Variants in C17orf107 observed in about 807,000 individuals in gnomAD.
C17orf107 encodes uncharacterized protein C17orf107.
A neutral mutation model predicts 8.9 loss-of-function variants in C17orf107; 9 were observed. The ratio of observed to expected loss-of-function variants is 1.02; its 90% CI spans 0.61 to 1.77. The LOEUF is 1.77. C17orf107 is among the 40% of genes most tolerant of loss of function. C17orf107 has a pLI of 0.00. For missense variants in C17orf107, 281 were observed against 249.0 expected (o/e 1.13, Z -0.86); for synonymous variants, 139 against 120.3 (o/e 1.16, Z -1.02).
intron 1 of C17orf107, 53 bp from the exon 2 acceptor site, chr17:4,899,883 G>C (rs1010847156): frequency 6.5e-7 from 1 of 1,549,272 alleles, no homozygotes; most frequent in Non-Finnish European, 8.7e-7. Flanking sequence ...TAGGTCTCCT[G>C]TTCGCCCCTG....
chr17:4,900,914 G>A lies in C17orf107; in HGVS notation c.*381G>A, dbSNP rs1314331863. ...GTGCATTTCTGGCCGCCGGCTGGAG[G>A]GAGAGCCAGTGAGAGCGGGCCCCGC... On this transcript the variant is annotated 3_prime_UTR_variant, in exon 3 of 3. Transcript: ENST00000381365. 1 of 1,614,060 alleles carries A rather than the reference G, an allele frequency of 6.2e-7. No homozygotes were observed. Among genetic ancestry groups the A allele is most frequent in the East Asian group, 2.2e-5 (1 of 44,892 alleles).
downstream of C17orf107, among the ~76,000 whole-genome samples, chr17:4,905,218 T>C (rs1172131753): frequency 6.6e-6 from 1 of 152,146 alleles, no homozygotes; most frequent in East Asian, 1.9e-4. Flanking sequence ...ACAGGTGCTA[T>C]AGAATCTGTA....
chr17:4,902,709 T>C lies in C17orf107; in HGVS notation c.*2176T>C. The C allele has an allele frequency of 2.5e-6, 4 of 1,614,008 alleles. No individual in the cohort carries two copies. The highest frequency in any genetic ancestry group is 2.2e-5 in the South Asian group (2 of 91,082). On this transcript the variant is annotated 3_prime_UTR_variant, in exon 3 of 3. Transcript: ENST00000381365. This position sits in a 1 kb window ranked among gnomAD's most constrained non-coding sequence, Gnocchi z 4.0. ...CACTGGCCGGCTTCCTGGGTCATAG[T>C]TGTTGAAGAGATGGTGATAAAGACG...
rs1436213063 is a variant in C17orf107, at chr17:4,900,075, A to G, written c.206A>G (p.Lys69Arg). Reference protein sequence around the residue: ...PKMQGMLPAPKPTLGLVLREA... With the variant: ...PKMQGMLPAPRPTLGLVLREA... ...ATGCAGGGGATGCTGCCTGCCCCGA[A>G]GCCCACCCTGGGGCTGGTGTTGAGA... is the stretch of plus-strand genomic sequence containing the variant. Residue 69 changes from lysine (K) to arginine (R), a missense_variant, in exon 2 of 3, where the codon AAG becomes AGG. Physicochemically the swap from Lys to Arg is conservative, Grantham distance 26. Coordinates refer to ENST00000381365, the MANE Select transcript of C17orf107 (RefSeq NM_001145536.2). 3 of 1,550,956 alleles carry G rather than the reference A, an allele frequency of 1.9e-6. No homozygotes were observed. Among genetic ancestry groups the G allele is most frequent in the African/African-American group, 2.7e-5 (2 of 73,058 alleles).
chr17:4,902,601 T>G lies in C17orf107; in HGVS notation c.*2068T>G. On this transcript the variant is annotated 3_prime_UTR_variant, in exon 3 of 3. Coordinates refer to ENST00000381365, the MANE Select transcript of C17orf107 (RefSeq NM_001145536.2). This position sits in a 1 kb window ranked among gnomAD's most constrained non-coding sequence, Gnocchi z 4.0. ...CAGAAGTGGGATTTTTGGCTTAAGA[T>G]GAGGGTGGGGGTAGCTTACCAGTGA... 6.2e-7 allele frequency: 1 copy of G among 1,614,034 alleles called. No individual in the cohort carries two copies. Among genetic ancestry groups the G allele is most frequent in the Non-Finnish European group, 8.5e-7 (1 of 1,180,004 alleles).
chr17:4,901,831 G>T lies in C17orf107; in HGVS notation c.*1298G>T. 1 of 1,538,454 alleles carries T rather than the reference G, an allele frequency of 6.5e-7. No individual in the cohort carries two copies. Among genetic ancestry groups the T allele is most frequent in the Admixed American group, 1.7e-5 (1 of 58,306 alleles). ...GTGCCTACGCCTGGCTCCGCCTCCA[G>T]CGCGAAGCCCCGCCCCGAGGGCGGT... On this transcript the variant is annotated 3_prime_UTR_variant, in exon 3 of 3. Transcript: ENST00000381365.
rs1443109829 is a variant in C17orf107 at position 4,900,119 on chromosome 17, G to T, written c.250G>T (p.Val84Leu). The T allele has an allele frequency of 1.3e-6, 2 of 1,550,686 alleles. No individual in the cohort carries two copies. Among genetic ancestry groups the T allele is most frequent in the Admixed American group, 2.0e-5 (1 of 50,998 alleles). The change falls in exon 2 of 3, where the codon GTG becomes TTG. Residue 84 changes from valine to leucine, a missense_variant. Physicochemically the swap from Val to Leu is conservative, Grantham distance 32 (BLOSUM62 1). Transcript: ENST00000381365. The stretch of plus-strand genomic sequence containing the variant: ...GTTGAGAGAAGCCACAGCCAGCCTC[G>T]TGAGCTTCGGCACCACCTTGTTAGA... ...LVLREATASL[V>L]SFGTTLLEIS...
chr17:4,899,828 G>T lies in C17orf107; in HGVS notation c.66G>T (p.Glu22Asp). The change falls in exon 1 of 3, where the codon GAG (glutamate) becomes GAT (aspartate). Residue 22 changes from glutamate (E) to aspartate (D), a missense_variant and splice_region_variant. Physicochemically the swap from Glu to Asp is conservative, Grantham distance 45. Transcript: ENST00000381365. ...MWIYHFHSST[E>D]VALQPPLLSS... ...TCTACCACTTCCACAGCTCCACCGA[G>T]GTGAGGCTACGCCCGCCAAGGGCTG... 34 of 1,551,204 alleles carry T rather than the reference G, an allele frequency of 2.2e-5. No individual in the cohort carries two copies. The highest frequency in any genetic ancestry group is 3.0e-5 in the Non-Finnish European group (34 of 1,146,966).
In C17orf107 at chr17:4,899,570, G is replaced by T; in HGVS notation, c.-193G>T. Reference sequence around the variant, plus strand: ...CAATGAGCGTGGCGACCACCATGACGAAAATAAGGAACCTGAGGAGCCCGG... The same window carrying T: ...CAATGAGCGTGGCGACCACCATGACTAAAATAAGGAACCTGAGGAGCCCGG... On this transcript the variant is annotated 5_prime_UTR_variant, in exon 1 of 3. Coordinates refer to ENST00000381365, the MANE Select transcript of C17orf107 (RefSeq NM_001145536.2). 1 of 1,587,246 alleles carries T rather than the reference G, an allele frequency of 6.3e-7. No individual in the cohort carries two copies. The highest frequency in any genetic ancestry group is 8.6e-7 in the Non-Finnish European group (1 of 1,167,544).
rs1969892971 is a variant in C17orf107 at position 4,899,681 on chromosome 17, G to A, written c.-82G>A. The A allele has an allele frequency of 3.5e-6, 5 of 1,446,414 alleles. No individual in the cohort carries two copies. In the East Asian group the frequency reaches 1.2e-4, roughly 36 times the overall value. 89.6% of individuals were successfully genotyped at this position (1,446,414 alleles called of 1,614,324 possible). A position where few individuals can be genotyped will look rare whatever the true frequency, so the allele number is the denominator to read the frequency against. ...AACACGGCTTCTCCTGGTACGGGCT[G>A]GTTACGCCCTCCAGCTGCGCCCCCT... On this transcript the variant is annotated 5_prime_UTR_variant, in exon 1 of 3. Coordinates refer to ENST00000381365, the MANE Select transcript of C17orf107 (RefSeq NM_001145536.2).
downstream of C17orf107, among the ~76,000 whole-genome samples, chr17:4,906,079 C>T (rs1408481243): frequency 6.6e-6 from 1 of 152,212 alleles, no homozygotes; most frequent in Non-Finnish European, 1.5e-5. Flanking sequence ...GCTTTCTCGT[C>T]ACCTGTGCAT....
At position 4,902,145 on chromosome 17, in the gene C17orf107, C is replaced by G; in HGVS notation, c.*1612C>G. 1.2e-6 allele frequency: 2 copies of G among 1,613,450 alleles called. No individual in the cohort carries two copies. Among genetic ancestry groups the G allele is most frequent in the South Asian group, 1.1e-5 (1 of 91,062 alleles). On this transcript the variant is annotated 3_prime_UTR_variant, in exon 3 of 3. Transcript: ENST00000381365. This position sits in a 1 kb window ranked among gnomAD's most constrained non-coding sequence, Gnocchi z 4.0. ...AGGTCTGCACCCTCTCAGAGTACCC[C>G]CTTCCCCAACCAAGTCCAGCCCGCA... is the stretch of plus-strand genomic sequence containing the variant.
Position 4,902,366 on chromosome 17 carries a change from C to T in C17orf107, c.*1833C>T. The T allele has an allele frequency of 6.2e-7, 1 of 1,613,614 alleles. No homozygotes were observed. The highest frequency in any genetic ancestry group is 8.5e-7 in the Non-Finnish European group (1 of 1,179,520). On this transcript the variant is annotated 3_prime_UTR_variant, in exon 3 of 3. Transcript: ENST00000381365. This position sits in a 1 kb window ranked among gnomAD's most constrained non-coding sequence, Gnocchi z 4.0. ...ATGGAAGGCCGCGTGCCCTGCATCTCCCACCTGGCGCTGCCTGGGAGGGGT... is the reference window on the plus strand; with the variant it reads ...ATGGAAGGCCGCGTGCCCTGCATCTTCCACCTGGCGCTGCCTGGGAGGGGT...
At position 4,899,663 on chromosome 17, in the gene C17orf107, C is replaced by T. The variant is rs1567637220; in HGVS notation, c.-100C>T. The T allele has an allele frequency of 2.1e-6, 3 of 1,445,012 alleles. No homozygotes were observed. Among genetic ancestry groups the T allele is most frequent in the Non-Finnish European group, 2.9e-6 (3 of 1,050,320 alleles). The allele number at this position is 1,445,012 out of a possible 1,614,324, so 89.5% of individuals were successfully genotyped here. On this transcript the variant is annotated 5_prime_UTR_variant, in exon 1 of 3. Coordinates refer to ENST00000381365, the MANE Select transcript of C17orf107 (RefSeq NM_001145536.2). ...CCGCGCGCTGACCTCACAAACACGGCTTCTCCTGGTACGGGCTGGTTACGC... is the reference window on the plus strand; with the variant it reads ...CCGCGCGCTGACCTCACAAACACGGTTTCTCCTGGTACGGGCTGGTTACGC...
In C17orf107 at chr17:4,901,775, T is replaced by A. The variant is rs577677158; in HGVS notation, c.*1242T>A. 8.1e-5 allele frequency: 102 copies of A among 1,264,708 alleles called. 1 individual carries two copies. The East Asian group carries it at 2.0e-3, about 25-fold the overall frequency. The allele number at this position is 1,264,708 out of a possible 1,614,324, so 78.3% of individuals were successfully genotyped here. ...GCCCGCACGCCTCTGTTCCCATCTGTACCTCCGGCCGCGCTGGAGCGTCCC... is the reference window on the plus strand; with the variant it reads ...GCCCGCACGCCTCTGTTCCCATCTGAACCTCCGGCCGCGCTGGAGCGTCCC... On this transcript the variant is annotated 3_prime_UTR_variant, in exon 3 of 3. Coordinates refer to ENST00000381365, the MANE Select transcript of C17orf107 (RefSeq NM_001145536.2).
chr17:4,901,759 C>A lies in C17orf107; in HGVS notation c.*1226C>A. On this transcript the variant is annotated 3_prime_UTR_variant, in exon 3 of 3. Transcript: ENST00000381365. ...CCTTCACCCAAGCCCAGCCCGCACG[C>A]CTCTGTTCCCATCTGTACCTCCGGC... The A allele has an allele frequency of 8.0e-7, 1 of 1,243,326 alleles. No individual in the cohort carries two copies. The highest frequency in any genetic ancestry group is 1.2e-6 in the Non-Finnish European group (1 of 863,924). 77.0% of individuals were successfully genotyped at this position (1,243,326 alleles called of 1,614,324 possible). A position where few individuals can be genotyped will look rare whatever the true frequency, so the allele number is the denominator to read the frequency against.
At chr17:4,904,365 A>G (rs566749240), downstream of C17orf107, among the ~76,000 whole-genome samples, 27 of 152,160 alleles carry the variant, frequency 1.8e-4, 1 homozygote, top group East Asian at 3.3e-3. Context: ...GCCCGGCCTC[A>G]GTGTTTTTTA....
chr17:4,901,524 C>G lies in C17orf107; in HGVS notation c.*991C>G. The G allele has an allele frequency of 6.2e-7, 1 of 1,613,928 alleles. No homozygotes were observed. The highest frequency in any genetic ancestry group is 8.5e-7 in the Non-Finnish European group (1 of 1,179,808). ...TTTTTCTGAGCAGGCAGGGGCTTCACCAGTATAGGCCTCTGTGTCGATGTC... is the reference window on the plus strand; with the variant it reads ...TTTTTCTGAGCAGGCAGGGGCTTCAGCAGTATAGGCCTCTGTGTCGATGTC... On this transcript the variant is annotated 3_prime_UTR_variant, in exon 3 of 3. Transcript: ENST00000381365.
In C17orf107 at chr17:4,900,091, GGTGTTGAGAGAAGCCACAGCCAGCCTC is replaced by G; in HGVS notation, c.226_252del (p.Leu76_Val84del). The G allele has an allele frequency of 6.4e-7, 1 of 1,550,900 alleles. No homozygotes were observed. Among genetic ancestry groups the G allele is most frequent in the African/African-American group, 1.4e-5 (1 of 73,178 alleles). On this transcript the variant is annotated inframe_deletion, in exon 2 of 3. Transcript: ENST00000381365. ...CTGCCCCGAAGCCCACCCTGGGGCT[GGTGTTGAGAGAAGCCACAGCCAGCCTC>G]GTGAGCTTCGGCACCACCTTGTTAG...
Sources: gnomAD v4.1 joint callset for allele counts (sites outside exome capture counted in the v4.1 genomes callset) on GRCh38, gnomAD v4.1.1 for gene constraint, Gnocchi (gnomAD v3.1) non-coding constraint, MANE v1.5 for transcripts, NCBI Gene and HGNC (gene_info 2026-07-23, HGNC 2026-07-21) for gene names.